The following PLCG2 variants were observed in gnomAD, a reference collection of about 807,000 sequenced individuals.
PLCG2 encodes the protein phospholipase C gamma 2, also known as 1-phosphatidylinositol 4,5-bisphosphate phosphodiesterase gamma-2.
Under a neutral mutation model 175.6 loss-of-function variants are expected in PLCG2, and 69 were observed. The observed-to-expected ratio is 0.39, with a 90% CI of 0.32 to 0.48. The LOEUF (loss-of-function observed/expected upper bound fraction) is 0.48. Ranked by LOEUF, PLCG2 falls within the 20% of genes least tolerant of loss-of-function variation. The probability of loss-of-function intolerance (pLI) is 0.91; values close to 1 mark genes in which losing one functional copy is unlikely to be tolerated. For missense variants in PLCG2, 1,798 were observed against 1,650.9 expected (o/e 1.09, Z -1.54); for synonymous variants, 827 against 624.0 (o/e 1.33, Z -4.85).
At chr16:81,774,825 A>T (rs1171956894), upstream of PLCG2, among the ~76,000 whole-genome samples, 2 of 151,516 alleles carry the variant, frequency 1.3e-5, no homozygotes, top group African/African-American at 4.9e-5. Context: ...ACTGCCTGCA[A>T]CCTCTGCCTC....
rs1480771649 is a variant in PLCG2 at position 81,961,152 on chromosome 16, C to T, written c.*3154C>T. On this transcript the variant is annotated 3_prime_UTR_variant, in exon 33 of 33. Coordinates refer to ENST00000564138, the MANE Select transcript of PLCG2 (RefSeq NM_002661.5). ...GAACAGCCTGTAGATTTCTGAGTCT[C>T]TTAGCATGTAACTACAAAGGGGTTG... 1 of 230,440 alleles carries T rather than the reference C, an allele frequency of 4.3e-6. No homozygotes were observed. The highest frequency in any genetic ancestry group is 8.6e-6 in the Non-Finnish European group (1 of 116,384). 14.3% of individuals were successfully genotyped at this position (230,440 alleles called of 1,614,324 possible). A position where few individuals can be genotyped will look rare whatever the true frequency, so the allele number is the denominator to read the frequency against.
intron 2 of PLCG2, among the ~76,000 whole-genome samples, chr16:81,842,294 G>T (rs1905876274): frequency 6.6e-6 from 1 of 152,202 alleles, no homozygotes; most frequent in Non-Finnish European, 1.5e-5. Context: ...CTGGGGAGGA[G>T]CCCCAGTGTG....
In PLCG2 at chr16:81,923,502, A is replaced by G. The variant is rs750835143; in HGVS notation, c.2325A>G (p.Lys775=). Residue 775 remains lysine, a synonymous_variant, in exon 22 of 33, where the codon AAA becomes AAG. Coordinates refer to ENST00000564138, the MANE Select transcript of PLCG2 (RefSeq NM_002661.5). ...CCTGAAAGCCTCAGAGAACCGTGAA[A>G]GCTCTGTATGACTACAAAGCCAAGC... ...INPSMPQRTV[K]ALYDYKAKRS... is the part of the protein sequence containing the mutation. 8 of 1,611,772 alleles carry G rather than the reference A, an allele frequency of 5.0e-6. No homozygotes were observed. The Admixed American group carries it at 1.2e-4, about 24-fold the overall frequency.
At chr16:81,743,578 T>G (rs755405143) in intron 1 of PLCG2, among the ~76,000 whole-genome samples, 1 of 152,164 alleles carries the variant, frequency 6.6e-6, no homozygotes, top group Non-Finnish European at 1.5e-5. Flanking sequence ...GGGCACCTCA[T>G]GCACCCTGAG....
In PLCG2 at chr16:81,794,963, T is replaced by C. The variant is rs117465906; in HGVS notation, c.193+8781T>C. Among the ~76,000 whole-genome samples, 394 of 152,374 alleles carry C rather than the reference T, an allele frequency of 2.6e-3. 3 individuals carry two copies. Among genetic ancestry groups the C allele is most frequent in the Non-Finnish European group, 3.1e-3 (210 of 68,036 alleles). On this transcript the variant is annotated intron_variant, in intron 2 of 32. Coordinates refer to ENST00000564138, the MANE Select transcript of PLCG2 (RefSeq NM_002661.5). ...TGATGGTGCTATAGCCCTTCTCTTA[T>C]GCTGAATAGCTGAGGAATTGCTTGT...
chr16:81,913,122 C>G (rs1028359639), intron 19 of PLCG2, among the ~76,000 whole-genome samples: 11 of 152,188 alleles, frequency 7.2e-5, no homozygotes, highest in African/African-American at 2.4e-4. Context: ...ATCTGGTTTC[C>G]TCCCAACTGC....
rs1906449114 is a variant in PLCG2, at chr16:81,852,134, AG to A, written c.194-2307del. The A allele has an allele frequency of 3.9e-5, 6 of 152,312 alleles. No individual in the cohort carries two copies. In the South Asian group the frequency reaches 1.0e-3, roughly 26 times the overall value. The allele number at this position is 152,312 out of a possible 1,614,324, so 9.4% of individuals were successfully genotyped here. A position where few individuals can be genotyped will look rare whatever the true frequency, so the allele number is the denominator to read the frequency against. On this transcript the variant is annotated intron_variant, in intron 2 of 32. Coordinates refer to ENST00000564138, the MANE Select transcript of PLCG2 (RefSeq NM_002661.5). ...GAGTGCTGGAGTTCAAAGGTACACCAGGGTTTGATAACACTTTCTTCCATGG... is the reference window on the plus strand; with the variant it reads ...GAGTGCTGGAGTTCAAAGGTACACCAGGTTTGATAACACTTTCTTCCATGG...
At chr16:81,930,179 T>C (rs1232359314) in intron 24 of PLCG2, among the ~76,000 whole-genome samples, 1 of 151,930 alleles carries the variant, frequency 6.6e-6, no homozygotes, top group Non-Finnish European at 1.5e-5. Context: ...ATTAAAAAAA[T>C]AAAATAAAAT....
At chr16:81,824,782 T>TGTCC (rs60541555) in intron 2 of PLCG2, among the ~76,000 whole-genome samples, 6,026 of 152,252 alleles carry the variant, frequency 0.04, 169 homozygotes, top group African/African-American at 0.073. Context: ...CCCCCAAAGG[T>TGTCC]GTCCATGTCC....
chr16:81,753,124 T>C (rs1431190239), intron 1 of PLCG2, among the ~76,000 whole-genome samples: 1 of 151,782 alleles, frequency 6.6e-6, no homozygotes, highest in African/African-American at 2.4e-5. Context: ...AGCTCAGCTC[T>C]GCTCCCGGCC....
intron 12 of PLCG2, chr16:81,895,601 C>A: frequency 2.0e-6 from 1 of 504,410 alleles, no homozygotes; most frequent in Non-Finnish European, 3.5e-6. Context: ...TTGAAACTAG[C>A]TTGTCTTGGA....
intron 30 of PLCG2, among the ~76,000 whole-genome samples, chr16:81,945,610 C>T (rs916670995): frequency 6.6e-6 from 1 of 152,192 alleles, no homozygotes; most frequent in Non-Finnish European, 1.5e-5. Context: ...ACTTGCCCCC[C>T]TCAGCCCCAA....
intron 2 of PLCG2, among the ~76,000 whole-genome samples, chr16:81,820,088 A>C (rs985696872): frequency 1.3e-5 from 2 of 152,186 alleles, no homozygotes; most frequent in African/African-American, 2.4e-5. Flanking sequence ...AAGGATTATG[A>C]TCTTTTAGGT....
At chr16:81,774,016 A>G (rs1910342434) in intron 2 of PLCG2, among the ~76,000 whole-genome samples, 1 of 151,654 alleles carries the variant, frequency 6.6e-6, no homozygotes, top group Non-Finnish European at 1.5e-5. Flanking sequence ...CTCCACCAGG[A>G]CTCCAGGTTA....
intron 2 of PLCG2, among the ~76,000 whole-genome samples, chr16:81,812,733 C>A (rs1408877948): frequency 6.6e-6 from 1 of 152,164 alleles, no homozygotes; most frequent in Non-Finnish European, 1.5e-5. Flanking sequence ...GTGTTTTAGT[C>A]ATGAAGTCTT....
intron 2 of PLCG2, among the ~76,000 whole-genome samples, chr16:81,824,773 C>G (rs1904973140): frequency 6.6e-6 from 1 of 151,740 alleles, no homozygotes; most frequent in Non-Finnish European, 1.5e-5. Flanking sequence ...CTGCACATAC[C>G]CCCAAAGGTG....
chr16:81,830,991 A>G (rs1201097913), intron 2 of PLCG2, among the ~76,000 whole-genome samples: 3 of 152,156 alleles, frequency 2.0e-5, no homozygotes, highest in Non-Finnish European at 4.4e-5. Flanking sequence ...ACAACCAACC[A>G]TACACATTTC....
At chr16:81,801,379 A>G (rs182407714) in intron 2 of PLCG2, among the ~76,000 whole-genome samples, 4 of 152,352 alleles carry the variant, frequency 2.6e-5, no homozygotes, top group African/African-American at 4.8e-5. Flanking sequence ...AGGTCTTTAC[A>G]TAAAAGACAC....
At chr16:81,910,765 A>C in intron 18 of PLCG2, 45 bp downstream of exon 18, 1 of 1,553,574 alleles carries the variant, frequency 6.4e-7, no homozygotes, top group Middle Eastern at 1.7e-4. Context: ...TGGTCGGGTT[A>C]GCTCCACCAG....
Sources: gnomAD v4.1 joint callset for allele counts (sites outside exome capture counted in the v4.1 genomes callset) on GRCh38, gnomAD v4.1.1 for gene constraint, MANE v1.5 for transcripts, NCBI Gene and HGNC (gene_info 2026-07-23, HGNC 2026-07-21) for gene names.